FAM178B: variants seen among roughly 807,000 people sequenced by gnomAD.
FAM178B encodes family with sequence similarity 178 member B, also known as protein FAM178B.
In FAM178B, 82 loss-of-function variants were observed where a neutral mutation model predicts 91.7. The ratio of observed to expected loss-of-function variants is 0.89; its 90% CI spans 0.75 to 1.07. The LOEUF is 1.07. Among genes scored for constraint, FAM178B ranks in the 50% least tolerant of loss-of-function variants. The pLI is 0.00. For missense variants in FAM178B, 769 were observed against 846.7 expected, an observed-to-expected ratio of 0.91 and a Z score of 1.14; for synonymous variants, 368 against 359.4, an observed-to-expected ratio of 1.02 and a Z score of -0.27.
At chr2:96,972,668 C>A in intron 1 of FAM178B, 62 bp from the exon 2 acceptor site, 1 of 1,470,954 alleles carries the variant, frequency 6.8e-7, no homozygotes, top group South Asian at 1.2e-5. Flanking sequence ...GTTCTAAACC[C>A]CGTGATTCCC....
At chr2:96,951,326 G>T in intron 7 of FAM178B, 53 bp downstream of exon 7, 1 of 1,335,408 alleles carries the variant, frequency 7.5e-7, no homozygotes, top group Non-Finnish European at 1.1e-6. Flanking sequence ...GGGCCTGCCG[G>T]GCCACCAGAC....
rs1006331270 is a variant in FAM178B at position 96,955,983 on chromosome 2, G to A, written c.887+4305C>T. Among the ~76,000 whole-genome samples, 11 of 152,166 alleles carry A rather than the reference G, an allele frequency of 7.2e-5. 1 individual carries two copies. Among genetic ancestry groups the A allele is most frequent in the Non-Finnish European group, 1.5e-4 (10 of 68,038 alleles). On this transcript the variant is annotated intron_variant, in intron 6 of 16. Transcript: ENST00000490605. ...GCCTGCTGGATATTCATGGAGGAACGGCCTGGCCCATGCATCGGGCTTGTG... is the reference window on the plus strand; with the variant it reads ...GCCTGCTGGATATTCATGGAGGAACAGCCTGGCCCATGCATCGGGCTTGTG...
chr2:96,932,627 AAC>A (rs1372539059), intron 8 of FAM178B, among the ~76,000 whole-genome samples: 1 of 152,152 alleles, frequency 6.6e-6, no homozygotes, highest in Admixed American at 6.5e-5. Context: ...GGAGCACCGG[AAC>A]ACTGTGTCTT....
At chr2:96,961,162 G>A (rs1574306446) in intron 5 of FAM178B, among the ~76,000 whole-genome samples, 1 of 152,214 alleles carries the variant, frequency 6.6e-6, no homozygotes, top group East Asian at 1.9e-4. Flanking sequence ...TCGGAGAGAG[G>A]TGAAAACTGT....
intron 14 of FAM178B, among the ~76,000 whole-genome samples, chr2:96,887,742 T>A (rs1047493086): frequency 6.6e-6 from 1 of 152,126 alleles, no homozygotes; most frequent in African/African-American, 2.4e-5. Context: ...AAGAAGATAA[T>A]CCACAGCGTT....
rs142441196 is a variant in FAM178B, at chr2:96,890,843, G to A, written c.1776+3083C>T. Among the ~76,000 whole-genome samples, 431 of 152,182 alleles carry A rather than the reference G, an allele frequency of 2.8e-3. 3 individuals carry two copies. Among genetic ancestry groups the A allele is most frequent in the African/African-American group, 9.8e-3 (405 of 41,514 alleles). On this transcript the variant is annotated intron_variant, in intron 14 of 16. Transcript: ENST00000490605. Reference sequence around the variant, plus strand: ...CCCTCTACCACTGTCAGCCAAATAAGCCCTCTGCCTCTCACATGGCTGTAC... The same window carrying A: ...CCCTCTACCACTGTCAGCCAAATAAACCCTCTGCCTCTCACATGGCTGTAC...
intron 7 of FAM178B, 30 bp downstream of exon 7, chr2:96,951,349 G>C (rs1289843697): frequency 2.0e-6 from 3 of 1,506,050 alleles, no homozygotes. Context: ...CAGCGCTCCC[G>C]CCACCTAGTG....
chr2:96,883,123 G>A (rs1157164414), intron 14 of FAM178B, among the ~76,000 whole-genome samples: 1 of 152,194 alleles, frequency 6.6e-6, no homozygotes, highest in African/African-American at 2.4e-5. Flanking sequence ...TGACAAGGCT[G>A]AGTGACAGCA....
intron 8 of FAM178B, among the ~76,000 whole-genome samples, chr2:96,945,010 C>T (rs896434842): frequency 9.2e-5 from 14 of 152,138 alleles, no homozygotes; most frequent in Non-Finnish European, 1.3e-4. Flanking sequence ...CTCTGATGGT[C>T]GCTGCTCATT....
chr2:96,884,313 C>T (rs532505630), intron 14 of FAM178B, among the ~76,000 whole-genome samples: 27 of 152,278 alleles, frequency 1.8e-4, no homozygotes, highest in African/African-American at 4.1e-4. Flanking sequence ...CCCGGGTGTG[C>T]GTGGATGGTG....
intron 14 of FAM178B, among the ~76,000 whole-genome samples, chr2:96,886,454 G>T (rs982427553): frequency 6.6e-6 from 1 of 152,210 alleles, no homozygotes; most frequent in Non-Finnish European, 1.5e-5. Flanking sequence ...TGAGTCACTT[G>T]CCTAGGGCTG....
rs1436582849 is a variant in FAM178B at position 96,972,143 on chromosome 2, T to C, written c.322A>G (p.Thr108Ala). The C allele has an allele frequency of 7.2e-6, 11 of 1,537,970 alleles. No homozygotes were observed. Among genetic ancestry groups the C allele is most frequent in the Non-Finnish European group, 9.6e-6 (11 of 1,140,890 alleles). The stretch of plus-strand genomic sequence containing the variant: ...TCCACGGGCGGGGGGCTCCAGTCAG[T>C]GGGAAACGTTTCCCCAGGTGCCTGT... ...KIQAPGETFP[T>A]DWSPPPVEFL... The change falls in exon 3 of 17, where the codon ACT becomes GCT. Residue 108 changes from threonine to alanine, a missense_variant. By Grantham distance (58) the Thr-to-Ala change is moderately conservative. Coordinates refer to ENST00000490605, the MANE Select transcript of FAM178B (RefSeq NM_001122646.3).
intron 8 of FAM178B, among the ~76,000 whole-genome samples, chr2:96,943,290 T>G (rs1004222634): frequency 2.6e-5 from 4 of 152,210 alleles, no homozygotes; most frequent in Non-Finnish European, 5.9e-5. Flanking sequence ...CATTCCTTCT[T>G]CCCCTATCTC....
rs1226987241 is a variant in FAM178B, at chr2:96,905,818, G to GTA, written c.1563-3113_1563-3112dup. On this transcript the variant is annotated intron_variant, in intron 12 of 16. Coordinates refer to ENST00000490605, the MANE Select transcript of FAM178B (RefSeq NM_001122646.3). ...TACACAAAAATATACATATATGTGTGTATATATATATATATATATATATAT... is the reference window on the plus strand; with the variant it reads ...TACACAAAAATATACATATATGTGTGTATATATATATATATATATATATATAT... Among the ~76,000 whole-genome samples, 89 of 34,186 alleles carry GTA rather than the reference G, an allele frequency of 2.6e-3. 1 individual carries two copies. Among genetic ancestry groups the GTA allele is most frequent in the Non-Finnish European group, 3.2e-3 (58 of 18,388 alleles). The allele number at this position is 34,186 out of a possible 152,430, so 22.4% of individuals were successfully genotyped here. A position where few individuals can be genotyped will look rare whatever the true frequency, so the allele number is the denominator to read the frequency against.
rs1559055307 is a variant in FAM178B, at chr2:96,893,942, G to A, written c.1760C>T (p.Ala587Val). ...CTCACTCACCTTGTGGTCTAGCTCGGCACTAGCCTTTGGCTGTTGCTCCTG... is the reference window on the plus strand; with the variant it reads ...CTCACTCACCTTGTGGTCTAGCTCGACACTAGCCTTTGGCTGTTGCTCCTG... ...PCQEQQPKAS[A>V]ELDHKACYLC... Residue 587 changes from alanine (A) to valine (V), a missense_variant, in exon 14 of 17, where the codon GCC (alanine) becomes GTC (valine). Transcript: ENST00000490605. 1.2e-6 allele frequency: 2 copies of A among 1,612,560 alleles called. No homozygotes were observed. Among genetic ancestry groups the A allele is most frequent in the East Asian group, 2.2e-5 (1 of 44,848 alleles).
At chr2:96,915,967 G>GT (rs2081234779) in intron 12 of FAM178B, among the ~76,000 whole-genome samples, 1 of 152,024 alleles carries the variant, frequency 6.6e-6, no homozygotes, top group Admixed American at 6.5e-5. Context: ...TCCACTCAGC[G>GT]TATTTCATTA....
Position 96,876,237 on chromosome 2 carries a change from C to G in FAM178B, c.*39G>C. 1 of 1,596,022 alleles carries G rather than the reference C, an allele frequency of 6.3e-7. No individual in the cohort carries two copies. Among genetic ancestry groups the G allele is most frequent in the Admixed American group, 1.7e-5 (1 of 57,996 alleles). On this transcript the variant is annotated 3_prime_UTR_variant, in exon 17 of 17. Coordinates refer to ENST00000490605, the MANE Select transcript of FAM178B (RefSeq NM_001122646.3). ...GTTCCCTGAGCCTGTTCACTTCCTG[C>G]TGAAGCCAGGAGCCCTGGGCTGCCC...
chr2:96,961,615 G>T (rs2082082729), intron 5 of FAM178B, among the ~76,000 whole-genome samples: 1 of 152,172 alleles, frequency 6.6e-6, no homozygotes, highest in African/African-American at 2.4e-5. Flanking sequence ...TCAGGAGACG[G>T]CCCATTCCCT....
At chr2:96,877,402 ATTT>A (rs897024279) in intron 16 of FAM178B, among the ~76,000 whole-genome samples, 4 of 132,336 alleles carry the variant, frequency 3.0e-5, no homozygotes, top group Admixed American at 3.0e-4. Context: ...TGGGCACTGG[ATTT>A]TTTTTTTTTT....
Sources: gnomAD v4.1 joint callset for allele counts (sites outside exome capture counted in the v4.1 genomes callset) on GRCh38, gnomAD v4.1.1 for gene constraint, MANE v1.5 for transcripts, NCBI Gene and HGNC (gene_info 2026-07-23, HGNC 2026-07-21) for gene names.